STEEP1: variants seen among roughly 807,000 people sequenced by gnomAD.
The protein encoded by STEEP1 is STING1 ER exit protein 1.
In STEEP1, 3 loss-of-function variants were observed where a neutral mutation model predicts 19.2. The observed-to-expected ratio is 0.16, with a 90% CI of 0.07 to 0.40. The LOEUF (loss-of-function observed/expected upper bound fraction) is 0.40. STEEP1 is among the 10% of genes least tolerant of loss of function. The pLI is 0.99. For synonymous variants in STEEP1, 46 were observed against 63.7 expected, an observed-to-expected ratio of 0.72 and a Z score of 1.32; for missense variants, 54 against 177.1, an observed-to-expected ratio of 0.30 and a Z score of 3.94.
chrX:119,550,710 G>A (rs746074701), intron 2 of STEEP1, among the ~76,000 whole-genome samples: 27 of 111,921 alleles, frequency 2.4e-4, no homozygotes, highest in Non-Finnish European at 4.1e-4. Flanking sequence ...CCAGTCTGGA[G>A]TACAGTGGCA....
At chrX:119,554,179 T>C (rs762611273) in intron 2 of STEEP1, among the ~76,000 whole-genome samples, 5 of 112,382 alleles carry the variant, frequency 4.4e-5, no homozygotes, top group Non-Finnish European at 7.5e-5. Flanking sequence ...GCACGGTGGC[T>C]CACGCCTGTA....
Position 119,564,511 on chromosome X carries a change from G to GC in STEEP1, c.124+720_124+721insG, listed in dbSNP as rs200684813. Among the ~76,000 whole-genome samples the GC allele has an allele frequency of 4.8e-3, 458 of 96,028 alleles. 13 individuals are homozygous for GC. In the Admixed American group the frequency reaches 0.049, roughly 10 times the overall value. 83.4% of individuals were successfully genotyped at this position (96,028 alleles called of 115,157 possible). A position where few individuals can be genotyped will look rare whatever the true frequency, so the allele number is the denominator to read the frequency against. On this transcript the variant is annotated intron_variant, in intron 1 of 6. Transcript: ENST00000644802. ...ACTCCATCTGAAAAAAAAGGGGGGG[G>GC]GGAAATACGAGGTAGGAGGAAAATC...
intron 1 of STEEP1, among the ~76,000 whole-genome samples, chrX:119,562,757 A>T (rs1000028074): frequency 1.8e-5 from 2 of 111,224 alleles, no homozygotes; most frequent in Non-Finnish European, 3.8e-5. Context: ...CATATTTTAA[A>T]ATAATTATAA....
At chrX:119,557,179 G>GA (rs1311652626) in intron 2 of STEEP1, among the ~76,000 whole-genome samples, 8 of 69,217 alleles carry the variant, frequency 1.2e-4, no homozygotes, top group Non-Finnish European at 2.1e-4. Context: ...AAAAAGAAAA[G>GA]AAAGAAAGAA....
chrX:119,540,585 A>C (rs1217993222), intron 6 of STEEP1, among the ~76,000 whole-genome samples: 1 of 112,482 alleles, frequency 8.9e-6, no homozygotes, highest in East Asian at 2.8e-4. Flanking sequence ...ATATGCTCTA[A>C]GATGAGCCCA....
In STEEP1 at chrX:119,542,493, A is replaced by C; in HGVS notation, c.513+12T>G. 3 of 1,173,227 alleles carry C rather than the reference A, an allele frequency of 2.6e-6. No homozygotes were observed. Among genetic ancestry groups the C allele is most frequent in the Non-Finnish European group, 3.5e-6 (3 of 860,821 alleles). On this transcript the variant is annotated intron_variant, in intron 5 of 6. Transcript: ENST00000644802. ...CCCAAATTCCAGTTTCCTTAAGACC[A>C]GAGACACTTACAGCCTCAATCTCCT...
At chrX:119,558,429 C>T (rs1268649692) in intron 2 of STEEP1, among the ~76,000 whole-genome samples, 7 of 110,774 alleles carry the variant, frequency 6.3e-5, no homozygotes, top group Non-Finnish European at 1.1e-4. Context: ...CCCAGCTACT[C>T]GGGAGGCTGA....
chrX:119,561,145 G>A (rs1248293942), intron 1 of STEEP1, among the ~76,000 whole-genome samples: 5 of 109,647 alleles, frequency 4.6e-5, no homozygotes, highest in African/African-American at 1.3e-4. Context: ...AGGCTGAGGC[G>A]AGAGAATTGC....
chrX:119,539,476 A>T lies in STEEP1; in HGVS notation c.*251T>A, dbSNP rs2053146800. The T allele has an allele frequency of 4.2e-6, 1 of 238,749 alleles. No individual in the cohort carries two copies. Among genetic ancestry groups the T allele is most frequent in the Non-Finnish European group, 7.5e-6 (1 of 134,218 alleles). 19.7% of individuals were successfully genotyped at this position (238,749 alleles called of 1,213,427 possible). ...AACCCGGGAGGCGGAGGTTGCAGTG[A>T]GCCGAGATCGCACCACTGCACTCCA... On this transcript the variant is annotated 3_prime_UTR_variant, in exon 7 of 7. Transcript: ENST00000644802.
rs1245568933 is a variant in STEEP1 at position 119,538,510 on chromosome X, T to G, written c.*1217A>C. ...GTACAGTGGTGCAATCTCAGCTCACTGCAACCTCCACCTCCCGAGTTCAAG... is the reference window on the plus strand; with the variant it reads ...GTACAGTGGTGCAATCTCAGCTCACGGCAACCTCCACCTCCCGAGTTCAAG... On this transcript the variant is annotated 3_prime_UTR_variant, in exon 7 of 7. Transcript: ENST00000644802. 9.6e-6 allele frequency: 1 copy of G among 103,842 alleles called. No individual in the cohort carries two copies. The highest frequency in any genetic ancestry group is 2.0e-5 in the Non-Finnish European group (1 of 51,012). 8.6% of individuals were successfully genotyped at this position (103,842 alleles called of 1,213,427 possible).
rs1247063460 is a variant in STEEP1 at position 119,554,691 on chromosome X, T to C, written c.242+5577A>G. 7.2e-5 allele frequency among the ~76,000 whole-genome samples: 8 copies of C among 111,881 alleles called. No individual in the cohort carries two copies. In the East Asian group the frequency reaches 2.0e-3, roughly 28 times the overall value. On this transcript the variant is annotated intron_variant, in intron 2 of 6. Coordinates refer to ENST00000644802, the MANE Select transcript of STEEP1 (RefSeq NM_022101.4). ...TTATGGGAAGCCAGCTGCCATGTCA[T>C]GAGGATACTCAAGCAGCCTTATGGA... is the stretch of plus-strand genomic sequence containing the variant.
chrX:119,548,938 A>C (rs989869759), intron 2 of STEEP1, among the ~76,000 whole-genome samples: 2 of 112,189 alleles, frequency 1.8e-5, no homozygotes, highest in Admixed American at 1.9e-4. Context: ...ATATGGATGG[A>C]CTTGGAGGAC....
At chrX:119,545,731 TA>T (rs1373835507) in intron 2 of STEEP1, among the ~76,000 whole-genome samples, 1 of 110,313 alleles carries the variant, frequency 9.1e-6, no homozygotes, top group Non-Finnish European at 1.9e-5. Flanking sequence ...CCGTCTCTAC[TA>T]AAAATACAAA....
chrX:119,542,050 C>CTTTTTTTTTT (rs2053165080), intron 5 of STEEP1, among the ~76,000 whole-genome samples: 2 of 53,798 alleles, frequency 3.7e-5, no homozygotes, highest in Admixed American at 5.0e-4. Context: ...AGTTTCTTTT[C>CTTTTTTTTTT]TTTTCTTTTT....
chrX:119,552,774 C>G (rs1005269269), intron 2 of STEEP1, among the ~76,000 whole-genome samples: 3 of 112,672 alleles, frequency 2.7e-5, no homozygotes, highest in African/African-American at 9.7e-5. Context: ...GGTGTCCAAT[C>G]TTTTGCACAA....
At chrX:119,543,243 G>T (rs1293056854) in intron 4 of STEEP1, among the ~76,000 whole-genome samples, 2 of 107,994 alleles carry the variant, frequency 1.9e-5, no homozygotes, top group African/African-American at 6.8e-5. Context: ...AGCCTGAAGT[G>T]CAATGGTGCA....
At chrX:119,559,206 G>A (rs894083085) in intron 2 of STEEP1, among the ~76,000 whole-genome samples, 5 of 107,161 alleles carry the variant, frequency 4.7e-5, no homozygotes, top group East Asian at 5.9e-4. Context: ...CAACAAGAGC[G>A]AAACTCCGTC....
rs1169261309 is a variant in STEEP1 at position 119,555,004 on chromosome X, G to C, written c.242+5264C>G. Among the ~76,000 whole-genome samples the C allele has an allele frequency of 2.7e-5, 3 of 110,374 alleles. No individual in the cohort carries two copies. The East Asian group carries it at 8.6e-4, about 32-fold the overall frequency. ...CATGCCTATGGTCCCAGCTACTCAG[G>C]AGGCTGAGGTGGGAGGATCACTTGA... is the stretch of plus-strand genomic sequence containing the variant. On this transcript the variant is annotated intron_variant, in intron 2 of 6. Coordinates refer to ENST00000644802, the MANE Select transcript of STEEP1 (RefSeq NM_022101.4).
intron 3 of STEEP1, 63 bp from the exon 4 acceptor site, chrX:119,544,554 C>A: frequency 1.9e-6 from 2 of 1,074,244 alleles, no homozygotes; most frequent in South Asian, 3.9e-5. Context: ...CAGCAATTTG[C>A]AAAGTGTGCT....
Sources: gnomAD v4.1 joint callset for allele counts (sites outside exome capture counted in the v4.1 genomes callset) on GRCh38, gnomAD v4.1.1 for gene constraint, MANE v1.5 for transcripts, NCBI Gene and HGNC (gene_info 2026-07-23, HGNC 2026-07-21) for gene names.